The following PI4K2A variants were observed in gnomAD, a reference collection of about 807,000 sequenced individuals.
PI4K2A encodes the protein phosphatidylinositol 4-kinase type 2 alpha, also known as phosphatidylinositol 4-kinase type 2-alpha.
PI4K2A carries 20 observed loss-of-function variants against 55.0 expected under a neutral mutation model. The ratio of observed to expected loss-of-function variants is 0.36; its 90% CI spans 0.26 to 0.53. PI4K2A has a LOEUF of 0.53. PI4K2A is among the 20% of genes least tolerant of loss of function. The pLI is 0.91. For missense variants in PI4K2A, 463 were observed against 637.1 expected (o/e 0.73, Z 2.94); for synonymous variants, 235 against 258.5 (o/e 0.91, Z 0.87).
chr10:97,644,434 G>A (rs1053904160), intron 1 of PI4K2A, among the ~76,000 whole-genome samples: 6 of 152,196 alleles, frequency 3.9e-5, no homozygotes, highest in Admixed American at 3.3e-4. Context: ...ATATGTGACA[G>A]ATATTTTAAA....
intron 4 of PI4K2A, among the ~76,000 whole-genome samples, chr10:97,658,898 C>A (rs141293321): frequency 9.9e-5 from 15 of 152,192 alleles, no homozygotes; most frequent in African/African-American, 3.6e-4. Context: ...CTATTTAAGT[C>A]CTTTGCCTAT....
intron 2 of PI4K2A, among the ~76,000 whole-genome samples, chr10:97,655,003 A>C (rs574319285): frequency 4.1e-4 from 62 of 152,288 alleles, no homozygotes; most frequent in African/African-American, 1.5e-3. Flanking sequence ...TATACATAAA[A>C]ATAGCAGTTA....
At chr10:97,672,722 G>GTTTTTTTTTTTTTTTTTTTTTTTTT (rs201709914) in intron 8 of PI4K2A, among the ~76,000 whole-genome samples, 2 of 94,790 alleles carry the variant, frequency 2.1e-5, no homozygotes, top group Non-Finnish European at 4.0e-5. Context: ...CAGAGGGTCT[G>GTTTTTTTTTTTTTTTTTTTTTTTTT]TTCTTTTTTT....
chr10:97,668,528 A>G (rs983047379), intron 8 of PI4K2A, among the ~76,000 whole-genome samples: 2 of 152,142 alleles, frequency 1.3e-5, no homozygotes, highest in African/African-American at 2.4e-5. Context: ...CAGTGAGCTG[A>G]GATGGCACCA....
At chr10:97,668,932 C>G (rs2041622726) in intron 8 of PI4K2A, among the ~76,000 whole-genome samples, 1 of 151,972 alleles carries the variant, frequency 6.6e-6, no homozygotes, top group Admixed American at 6.6e-5. Context: ...GTGGTGCGAT[C>G]TTGGCTCACT....
rs1564772365 is a variant in PI4K2A, at chr10:97,642,884, T to TCTTTCTTTCTTTCTTC, written c.435+1710_435+1711insTCTTTCTTTCTTCCTT. On this transcript the variant is annotated intron_variant, in intron 1 of 8. Coordinates refer to ENST00000370631, the Ensembl canonical transcript of PI4K2A. The stretch of plus-strand genomic sequence containing the variant: ...CTTTCTTTTTCTTTCTTTCTTTCTT[T>TCTTTCTTTCTTTCTTC]CTTCCTTCCTTCCTTCCTTCCTTCC... Among the ~76,000 whole-genome samples, 223 of 96,808 alleles carry TCTTTCTTTCTTTCTTC rather than the reference T, an allele frequency of 2.3e-3. 18 individuals carry two copies. Among genetic ancestry groups the TCTTTCTTTCTTTCTTC allele is most frequent in the Non-Finnish European group, 3.3e-3 (154 of 46,638 alleles). 63.5% of individuals were successfully genotyped at this position (96,808 alleles called of 152,430 possible). A position where few individuals can be genotyped will look rare whatever the true frequency, so the allele number is the denominator to read the frequency against.
Position 97,656,671 on chromosome 10 carries a change from C to A in PI4K2A, c.769-150C>A. On this transcript the variant is annotated intron_variant, in intron 3 of 8. Transcript: ENST00000370631. This position sits in a 1 kb window ranked among gnomAD's most constrained non-coding sequence, Gnocchi z 4.5. ...ACTGTTACATCTCTTTTCTCCTGTA[C>A]TTGCAAGAAATGAGGAAGTAAAGAT... 1 of 758,714 alleles carries A rather than the reference C, an allele frequency of 1.3e-6. No homozygotes were observed. The highest frequency in any genetic ancestry group is 2.2e-6 in the Non-Finnish European group (1 of 445,080). 47.0% of individuals were successfully genotyped at this position (758,714 alleles called of 1,614,324 possible).
At chr10:97,667,215 C>CT (rs2041613828) in intron 8 of PI4K2A, 95 bp downstream of exon 8, 149 of 884,384 alleles carry the variant, frequency 1.7e-4, no homozygotes, top group South Asian at 9.3e-4. Flanking sequence ...TTTATACCCC[C>CT]CCCTTTTTTT....
chr10:97,643,198 T>A (rs1471364521), intron 1 of PI4K2A, among the ~76,000 whole-genome samples: 1 of 151,758 alleles, frequency 6.6e-6, no homozygotes, highest in African/African-American at 2.4e-5. Flanking sequence ...GTTGCCCTGG[T>A]TGGTCTCAGA....
At chr10:97,663,052 A>G (rs2041593745) in intron 5 of PI4K2A, 84 bp downstream of exon 5, 3 of 918,336 alleles carry the variant, frequency 3.3e-6, no homozygotes, top group Admixed American at 1.8e-5. Flanking sequence ...GATGTAGTTC[A>G]TACAAGTTCA....
At chr10:97,668,652 G>C (rs562455655) in intron 8 of PI4K2A, among the ~76,000 whole-genome samples, 7 of 152,142 alleles carry the variant, frequency 4.6e-5, no homozygotes, top group Non-Finnish European at 8.8e-5. Context: ...AGTAGTACCT[G>C]GTATACTAAA....
At position 97,640,962 on chromosome 10, in the gene PI4K2A, A is replaced by T. The variant is rs1166227950; in HGVS notation, c.220A>T (p.Thr74Ser). The change falls in exon 1 of 9, where the codon ACC becomes TCC. Residue 74 changes from threonine to serine, a missense_variant. Thr to Ser is a moderately conservative substitution (Grantham distance 58). This residue lies in a region of PI4K2A where 186 missense variants were observed against 204.5 expected (regional missense o/e 0.91). Coordinates refer to ENST00000370631, the Ensembl canonical transcript of PI4K2A. ...CCGGGGCGCGGCGGCCCAGGGCCAG[A>T]CCCAAACCGTGGCGGCGCAGGCCCA... The T allele has an allele frequency of 1.4e-5, 21 of 1,519,758 alleles. No homozygotes were observed. In the Admixed American group the frequency reaches 4.0e-4, roughly 29 times the overall value. The allele number at this position is 1,519,758 out of a possible 1,614,324, so 94.1% of individuals were successfully genotyped here. A position where few individuals can be genotyped will look rare whatever the true frequency, so the allele number is the denominator to read the frequency against.
At chr10:97,645,966 T>C (rs1268487161) in intron 1 of PI4K2A, among the ~76,000 whole-genome samples, 2 of 152,128 alleles carry the variant, frequency 1.3e-5, no homozygotes, top group Non-Finnish European at 2.9e-5. Flanking sequence ...ACCTATACCA[T>C]AGAATACAGC....
chr10:97,657,789 AATAC>A (rs1459648347), intron 4 of PI4K2A, among the ~76,000 whole-genome samples: 2 of 148,258 alleles, frequency 1.3e-5, no homozygotes, highest in Non-Finnish European at 3.0e-5. Flanking sequence ...AGTAGTATGA[AATAC>A]ATTCATATTG....
exon 5 of PI4K2A, chr10:97,662,910 G>A: frequency 1.9e-6 from 3 of 1,603,878 alleles, no homozygotes; most frequent in Non-Finnish European, 2.6e-6. Context: ...TTCACAGATC[G>A]AGGCAATGAC....
intron 4 of PI4K2A, among the ~76,000 whole-genome samples, chr10:97,662,477 T>C (rs1187944315): frequency 6.6e-6 from 1 of 152,230 alleles, no homozygotes; most frequent in African/African-American, 2.4e-5. Flanking sequence ...CTTAGTGTAT[T>C]TCCAAGGTGT....
intron 5 of PI4K2A, among the ~76,000 whole-genome samples, chr10:97,664,624 A>G (rs1222647160): frequency 6.6e-6 from 1 of 152,178 alleles, no homozygotes; most frequent in Non-Finnish European, 1.5e-5. Flanking sequence ...CCTTCTTACC[A>G]AGGACTGTAG....
intron 5 of PI4K2A, among the ~76,000 whole-genome samples, chr10:97,664,342 T>C (rs2041600342): frequency 6.6e-6 from 1 of 152,224 alleles, no homozygotes; most frequent in African/African-American, 2.4e-5. Flanking sequence ...CCCACTCTTT[T>C]TACATTCATC....
At chr10:97,675,135 A>T (rs1413787851) in exon 9 of PI4K2A, 1 of 152,618 alleles carries the variant, frequency 6.6e-6, no homozygotes, top group East Asian at 1.9e-4. Flanking sequence ...GACATTTCAC[A>T]ATTCTGGCAC....
Sources: gnomAD v4.1 joint callset for allele counts (sites outside exome capture counted in the v4.1 genomes callset) on GRCh38, gnomAD v4.1.1 for gene constraint, gnomAD v4.1.1 regional missense constraint, Gnocchi (gnomAD v3.1) non-coding constraint, MANE v1.5 for transcripts, NCBI Gene and HGNC (gene_info 2026-07-23, HGNC 2026-07-21) for gene names.